Variants in GNAQ observed in about 807,000 individuals in gnomAD.
The protein encoded by GNAQ is G protein subunit alpha q.
Under a neutral mutation model 43.9 loss-of-function variants are expected in GNAQ, and 8 were observed. That is an observed-to-expected ratio of 0.18 (90% CI 0.11 to 0.33). GNAQ has a LOEUF of 0.33. GNAQ is among the 10% of genes least tolerant of loss of function. GNAQ has a pLI of 1.00. For synonymous variants in GNAQ, 155 were observed against 170.7 expected, an observed-to-expected ratio of 0.91 and a Z score of 0.71; for missense variants, 158 against 450.8, an observed-to-expected ratio of 0.35 and a Z score of 5.88.
At chr9:77,957,121 G>T (rs1159857116) in intron 1 of GNAQ, among the ~76,000 whole-genome samples, 3 of 152,120 alleles carry the variant, frequency 2.0e-5, no homozygotes, top group African/African-American at 7.2e-5. Flanking sequence ...CACTTGGGGA[G>T]GCCGAGGCAG....
intron 1 of GNAQ, among the ~76,000 whole-genome samples, chr9:77,943,157 C>G (rs926110521): frequency 6.6e-6 from 1 of 152,196 alleles, no homozygotes; most frequent in Non-Finnish European, 1.5e-5. Context: ...TTTCTGACCT[C>G]AAAAGCTCTC....
intron 5 of GNAQ, among the ~76,000 whole-genome samples, chr9:77,776,863 CTT>C (rs746503945): frequency 1.8e-4 from 24 of 134,674 alleles, no homozygotes; most frequent in Non-Finnish European, 1.8e-4. Context: ...TCCCAGGTGC[CTT>C]TTTTTTTTTT....
chr9:77,873,738 A>C (rs1828079150), intron 2 of GNAQ, among the ~76,000 whole-genome samples: 1 of 152,270 alleles, frequency 6.6e-6, no homozygotes. Flanking sequence ...ATAGGCAATG[A>C]GTAAATTAAG....
intron 1 of GNAQ, among the ~76,000 whole-genome samples, chr9:78,021,427 C>A (rs191038870): frequency 1.3e-5 from 2 of 152,286 alleles, no homozygotes; most frequent in African/African-American, 4.8e-5. Context: ...TTATAAAAAT[C>A]TTTTACTTCT....
chr9:77,716,474 G>A lies in GNAQ; in HGVS notation c.*4849C>T, dbSNP rs1168219601. Reference sequence around the variant, plus strand: ...TCTGACAAAACTCCCTAAATACATAGGTCTAGTAAGGGTTTCCAACAGGAT... The same window carrying A: ...TCTGACAAAACTCCCTAAATACATAAGTCTAGTAAGGGTTTCCAACAGGAT... On this transcript the variant is annotated 3_prime_UTR_variant, in exon 7 of 7. Coordinates refer to ENST00000286548, the MANE Select transcript of GNAQ (RefSeq NM_002072.5). The A allele has an allele frequency of 4.3e-6, 1 of 232,580 alleles. No individual in the cohort carries two copies. The highest frequency in any genetic ancestry group is 2.2e-5 in the African/African-American group (1 of 45,264). The allele number at this position is 232,580 out of a possible 1,614,324, so 14.4% of individuals were successfully genotyped here.
At chr9:77,884,406 G>A (rs1307474167) in intron 2 of GNAQ, among the ~76,000 whole-genome samples, 2 of 152,136 alleles carry the variant, frequency 1.3e-5, no homozygotes, top group East Asian at 1.9e-4. Flanking sequence ...AAATGCAAAC[G>A]ACTATTAGGA....
At chr9:77,926,889 T>C (rs1312592740) in intron 1 of GNAQ, among the ~76,000 whole-genome samples, 3 of 152,170 alleles carry the variant, frequency 2.0e-5, no homozygotes, top group Admixed American at 2.0e-4. Context: ...CCAGTGTGCG[T>C]AATTGGCTAT....
chr9:77,874,802 T>C (rs911245229), intron 2 of GNAQ, among the ~76,000 whole-genome samples: 2 of 151,892 alleles, frequency 1.3e-5, no homozygotes, highest in Admixed American at 1.3e-4. Context: ...TTTTTTGAAT[T>C]TTTAGTAGAG....
At chr9:78,014,880 C>T (rs979183791) in intron 1 of GNAQ, among the ~76,000 whole-genome samples, 4 of 152,144 alleles carry the variant, frequency 2.6e-5, no homozygotes, top group African/African-American at 9.7e-5. Context: ...AACTGTGGTC[C>T]CACAAGATTA....
Position 77,795,381 on chromosome 9 carries a change from T to C in GNAQ, c.606-789A>G, listed in dbSNP as rs190230242. Among the ~76,000 whole-genome samples the C allele has an allele frequency of 8.7e-4, 133 of 152,316 alleles. 2 individuals are homozygous for C. Among genetic ancestry groups the C allele is most frequent in the African/African-American group, 3.1e-3 (129 of 41,574 alleles). ...ATGTCTGAAAATATCTAGCAATGCT[T>C]GGCACTGAGTCAAAGTTTCTCCAAA... is the stretch of plus-strand genomic sequence containing the variant. On this transcript the variant is annotated intron_variant, in intron 4 of 6. Coordinates refer to ENST00000286548, the MANE Select transcript of GNAQ (RefSeq NM_002072.5).
At chr9:78,021,513 A>C (rs1823908973) in intron 1 of GNAQ, among the ~76,000 whole-genome samples, 1 of 152,248 alleles carries the variant, frequency 6.6e-6, no homozygotes, top group African/African-American at 2.4e-5. Flanking sequence ...AAATAAAGGC[A>C]CAGTGATGGA....
At chr9:77,884,867 G>A (rs1467581814) in intron 2 of GNAQ, among the ~76,000 whole-genome samples, 1 of 152,208 alleles carries the variant, frequency 6.6e-6, no homozygotes, top group Non-Finnish European at 1.5e-5. Context: ...TCCCTTGTAG[G>A]TGTCAGAGTT....
chr9:77,985,318 A>C (rs1023310661), intron 1 of GNAQ, among the ~76,000 whole-genome samples: 2 of 152,148 alleles, frequency 1.3e-5, no homozygotes, highest in African/African-American at 4.8e-5. Context: ...ATCTCAGAAA[A>C]ACCAACCAAC....
intron 1 of GNAQ, among the ~76,000 whole-genome samples, chr9:77,991,628 T>C (rs971244329): frequency 6.6e-6 from 1 of 152,130 alleles, no homozygotes; most frequent in African/African-American, 2.4e-5. Context: ...TGTAGGTAAG[T>C]TCTTTAGAGG....
intron 1 of GNAQ, among the ~76,000 whole-genome samples, chr9:78,018,424 A>T (rs1007360357): frequency 1.3e-5 from 2 of 152,168 alleles, no homozygotes; most frequent in Non-Finnish European, 2.9e-5. Flanking sequence ...TGAATATTTT[A>T]AAAAGTTTTA....
chr9:77,893,263 C>G (rs1463072435), intron 2 of GNAQ, among the ~76,000 whole-genome samples: 1 of 152,134 alleles, frequency 6.6e-6, no homozygotes, highest in Non-Finnish European at 1.5e-5. Flanking sequence ...CAGCCAAAAC[C>G]CACCAAAACT....
At chr9:77,909,273 T>A (rs910822151) in intron 2 of GNAQ, among the ~76,000 whole-genome samples, 1 of 152,204 alleles carries the variant, frequency 6.6e-6, no homozygotes, top group Admixed American at 6.5e-5. Flanking sequence ...GACTGCAGTG[T>A]TCCATTAATA....
intron 1 of GNAQ, among the ~76,000 whole-genome samples, chr9:77,952,574 T>C (rs1284456992): frequency 7.2e-5 from 11 of 152,184 alleles, no homozygotes; most frequent in Admixed American, 7.2e-4. Context: ...AGTTAAGAAA[T>C]GAAGAAAAAT....
At chr9:77,859,674 T>C (rs1827812416) in intron 2 of GNAQ, among the ~76,000 whole-genome samples, 1 of 152,218 alleles carries the variant, frequency 6.6e-6, no homozygotes, top group Non-Finnish European at 1.5e-5. Context: ...ATTCAGGATG[T>C]TCATTTGTTT....
Sources: allele counts gnomAD v4.1 joint callset (sites outside exome capture counted in the v4.1 genomes callset), GRCh38; gene constraint gnomAD v4.1.1; transcripts MANE v1.5; gene names NCBI Gene and HGNC (gene_info 2026-07-23, HGNC 2026-07-21).